The following NLGN1 variants were observed in gnomAD, a reference collection of about 807,000 sequenced individuals.
NLGN1 encodes the protein neuroligin-1.
A neutral mutation model predicts 65.5 loss-of-function variants in NLGN1; 12 were observed. That is an observed-to-expected ratio of 0.18 (90% confidence interval 0.12 to 0.30). NLGN1 has a LOEUF of 0.30. NLGN1 is among the 10% of genes least tolerant of loss of function. The pLI is 1.00. For missense variants in NLGN1, 750 were observed against 1,007.1 expected (o/e 0.74, Z 3.46); for synonymous variants, 350 against 359.5 (o/e 0.97, Z 0.30).
At chr3:174,006,991 C>A (rs930571204) in intron 4 of NLGN1, among the ~76,000 whole-genome samples, 3 of 152,050 alleles carry the variant, frequency 2.0e-5, no homozygotes, top group East Asian at 1.9e-4. Context: ...TTACTTGAAC[C>A]CAAGTGGGAG....
intron 2 of NLGN1, among the ~76,000 whole-genome samples, chr3:173,478,508 A>C (rs1440014827): frequency 6.6e-6 from 1 of 152,208 alleles, no homozygotes; most frequent in Non-Finnish European, 1.5e-5. Flanking sequence ...ATGTTTACCT[A>C]TGTAACAAAC....
chr3:173,726,800 A>G (rs1204796125), intron 3 of NLGN1, among the ~76,000 whole-genome samples: 1 of 111,880 alleles, frequency 8.9e-6, no homozygotes, highest in Non-Finnish European at 2.1e-5. Context: ...TTAAAGGACT[A>G]CTTTATTGCT....
chr3:173,802,188 C>T (rs996628633), intron 3 of NLGN1, among the ~76,000 whole-genome samples: 21 of 151,858 alleles, frequency 1.4e-4, no homozygotes, highest in African/African-American at 3.6e-4. Context: ...AAGGCATTTA[C>T]CTATTTAGAG....
intron 3 of NLGN1, among the ~76,000 whole-genome samples, chr3:173,687,698 A>G (rs1764878723): frequency 6.6e-6 from 1 of 152,210 alleles, no homozygotes; most frequent in South Asian, 2.1e-4. Flanking sequence ...ATACATATTT[A>G]TTTCACTTAT....
intron 2 of NLGN1, among the ~76,000 whole-genome samples, chr3:173,550,945 C>T (rs9290473): frequency 0.57 from 85,963 of 151,874 alleles, 24,289 homozygotes; most frequent in East Asian, 0.8. Flanking sequence ...TTGAGAGCTT[C>T]CGATTTTTCT....
At chr3:173,421,507 A>T (rs1363999232) in intron 1 of NLGN1, among the ~76,000 whole-genome samples, 2 of 151,292 alleles carry the variant, frequency 1.3e-5, no homozygotes, top group African/African-American at 2.4e-5. Flanking sequence ...TTATAATAAT[A>T]ATTATTTTTA....
intron 2 of NLGN1, among the ~76,000 whole-genome samples, chr3:173,569,040 T>A (rs934321916): frequency 4.6e-5 from 7 of 152,126 alleles, no homozygotes; most frequent in Non-Finnish European, 1.0e-4. Context: ...GGAAAAAAAA[T>A]GCTGTAGCAC....
intron 4 of NLGN1, among the ~76,000 whole-genome samples, chr3:173,941,445 A>G (rs1746075237): frequency 6.6e-6 from 1 of 152,002 alleles, no homozygotes; most frequent in African/African-American, 2.4e-5. Flanking sequence ...TTTTAGAGTG[A>G]CTGTTCAGAT....
chr3:173,658,912 A>G (rs1380187215), intron 3 of NLGN1, among the ~76,000 whole-genome samples: 2 of 152,058 alleles, frequency 1.3e-5, no homozygotes, highest in Non-Finnish European at 2.9e-5. Context: ...CATCCTCAAA[A>G]TGTTTGTAAA....
intron 4 of NLGN1, among the ~76,000 whole-genome samples, chr3:174,100,427 A>T (rs1367055509): frequency 6.6e-6 from 1 of 152,160 alleles, no homozygotes; most frequent in Non-Finnish European, 1.5e-5. Context: ...TACAAGGCTC[A>T]TCTTGTCTCT....
At chr3:173,988,798 T>C (rs573950948) in intron 4 of NLGN1, among the ~76,000 whole-genome samples, 2 of 152,256 alleles carry the variant, frequency 1.3e-5, no homozygotes, top group East Asian at 3.9e-4. Flanking sequence ...TACTTTTTCT[T>C]ATTAAATGTC....
At chr3:173,894,649 G>A (rs1401669478) in intron 4 of NLGN1, among the ~76,000 whole-genome samples, 1 of 75,734 alleles carries the variant, frequency 1.3e-5, no homozygotes, top group Admixed American at 1.4e-4. Context: ...TTTTTTTTTT[G>A]AGATAGAGAT....
chr3:174,181,392 C>T (rs919559867), intron 4 of NLGN1, among the ~76,000 whole-genome samples: 1 of 152,112 alleles, frequency 6.6e-6, no homozygotes, highest in African/African-American at 2.4e-5. Context: ...ATGCTACCAT[C>T]TCAAGTTTAA....
intron 3 of NLGN1, among the ~76,000 whole-genome samples, chr3:173,656,841 C>T (rs1760125291): frequency 6.6e-6 from 1 of 151,910 alleles, no homozygotes; most frequent in African/African-American, 2.4e-5. Context: ...GGAAAGGGAT[C>T]AAAGGGCAAT....
intron 4 of NLGN1, among the ~76,000 whole-genome samples, chr3:174,123,823 C>A (rs908670367): frequency 6.6e-6 from 1 of 152,122 alleles, no homozygotes; most frequent in African/African-American, 2.4e-5. Flanking sequence ...GCTTTTAGAA[C>A]CTCTTATTAA....
intron 1 of NLGN1, among the ~76,000 whole-genome samples, chr3:173,426,538 C>T (rs1003832301): frequency 6.6e-6 from 1 of 151,948 alleles, no homozygotes; most frequent in Non-Finnish European, 1.5e-5. Context: ...TTATTATGAA[C>T]AGATGCTACA....
chr3:173,761,091 A>G (rs1777903802), intron 3 of NLGN1, among the ~76,000 whole-genome samples: 1 of 152,056 alleles, frequency 6.6e-6, no homozygotes, highest in Non-Finnish European at 1.5e-5. Context: ...TACAATGAGA[A>G]ATGTTGACGG....
chr3:173,452,498 G>A (rs73036236), intron 2 of NLGN1, among the ~76,000 whole-genome samples: 4,679 of 152,060 alleles, frequency 0.031, 242 homozygotes, highest in African/African-American at 0.11. Context: ...TTTTCTTGCC[G>A]GCTTTCACAT....
chr3:174,097,274 A>G (rs543776440), intron 4 of NLGN1, among the ~76,000 whole-genome samples: 3 of 152,294 alleles, frequency 2.0e-5, no homozygotes, highest in Admixed American at 6.5e-5. Flanking sequence ...TCTGTTTAGA[A>G]CTCAAATCAC....
Sources: allele counts gnomAD v4.1 joint callset (sites outside exome capture counted in the v4.1 genomes callset), GRCh38; gene constraint gnomAD v4.1.1; transcripts MANE v1.5; gene names NCBI Gene and HGNC (gene_info 2026-07-23, HGNC 2026-07-21).